BST1: variants seen among roughly 807,000 people sequenced by gnomAD.
BST1 encodes the protein ADP-ribosyl cyclase/cyclic ADP-ribose hydrolase 2.
A neutral mutation model predicts 40.6 loss-of-function variants in BST1; 49 were observed. The ratio of observed to expected loss-of-function variants is 1.21; its 90% CI spans 0.96 to 1.53. The LOEUF is 1.53. Ranked by LOEUF, BST1 falls within the 40% of genes most tolerant of loss-of-function variation. BST1 has a pLI of 0.00. For synonymous variants in BST1, 157 were observed against 159.3 expected (o/e 0.99, Z 0.11); for missense variants, 423 against 395.9 (o/e 1.07, Z -0.58).
At chr4:15,752,401 TTTTTGAGACAGAG>T in the BST1 span, among the ~76,000 whole-genome samples, 3 of 151,972 alleles carry the variant, frequency 2.0e-5, no homozygotes, top group African/African-American at 7.3e-5. Context: ...TCTTTTTTTT[TTTTTGAGACAGAG>T]TTTCGCTCTT....
downstream of BST1, chr4:15,736,183 T>C (rs1214095180): frequency 8.1e-7 from 1 of 1,238,848 alleles, no homozygotes; most frequent in South Asian, 1.3e-5. Flanking sequence ...TCTCTCTGCT[T>C]CTGCTTGGTT....
chr4:15,765,126 G>T, the BST1 span, among the ~76,000 whole-genome samples: 3 of 152,010 alleles, frequency 2.0e-5, no homozygotes, highest in East Asian at 3.9e-4. Flanking sequence ...CACGGTGTTT[G>T]TCTCAACATT....
intron 1 of BST1, among the ~76,000 whole-genome samples, 167 bp downstream of exon 1, chr4:15,703,499 T>G (rs1376724597): frequency 7.6e-6 from 1 of 132,354 alleles, no homozygotes. Flanking sequence ...TGGGGGCGAG[T>G]GAGGAGGGGG....
chr4:15,709,423 C>T (rs1267842251), intron 3 of BST1, among the ~76,000 whole-genome samples: 1 of 152,228 alleles, frequency 6.6e-6, no homozygotes, highest in Non-Finnish European at 1.5e-5. Flanking sequence ...TGTGAGGCCT[C>T]TGCTTTTCAC....
chr4:15,725,947 C>CTTTTTTTTTT (rs1206237130), intron 8 of BST1, among the ~76,000 whole-genome samples: 6 of 60,114 alleles, frequency 1.0e-4, no homozygotes, highest in Non-Finnish European at 1.7e-4. Context: ...GAAGTGCGGT[C>CTTTTTTTTTT]TTTTTTTTTT....
the BST1 span, among the ~76,000 whole-genome samples, chr4:15,753,627 A>G: frequency 6.6e-6 from 1 of 152,228 alleles, no homozygotes; most frequent in Non-Finnish European, 1.5e-5. Flanking sequence ...TGGCCCAGCC[A>G]TGGCACAGCT....
intron 6 of BST1, among the ~76,000 whole-genome samples, chr4:15,718,259 G>GTA (rs1012814990): frequency 1.3e-5 from 2 of 151,726 alleles, no homozygotes; most frequent in Non-Finnish European, 2.9e-5. Flanking sequence ...GTGTGTGTGT[G>GTA]TGTGTGTGTG....
chr4:15,757,943 G>A, the BST1 span, among the ~76,000 whole-genome samples: 1 of 151,686 alleles, frequency 6.6e-6, no homozygotes, highest in Non-Finnish European at 1.5e-5. Flanking sequence ...CGCCCGGTGG[G>A]ATTTTCTTAA....
chr4:15,703,715 G>GT (rs1719691510), intron 1 of BST1, among the ~76,000 whole-genome samples: 2 of 130,686 alleles, frequency 1.5e-5, no homozygotes, highest in African/African-American at 5.9e-5. Context: ...TCTAGAGGTG[G>GT]GGGTGTGTGT....
intron 7 of BST1, among the ~76,000 whole-genome samples, chr4:15,722,051 C>T (rs773511687): frequency 2.0e-5 from 3 of 152,186 alleles, no homozygotes; most frequent in East Asian, 1.9e-4. Context: ...TGGAACTTCA[C>T]ATCTTCTCCC....
chr4:15,716,895 C>G (rs994579286), intron 6 of BST1, among the ~76,000 whole-genome samples: 1 of 152,130 alleles, frequency 6.6e-6, no homozygotes, highest in Non-Finnish European at 1.5e-5. Context: ...CTTGACTCAA[C>G]CTCCCGAGTA....
chr4:15,771,181 G>A, the BST1 span, among the ~76,000 whole-genome samples: 1 of 152,230 alleles, frequency 6.6e-6, no homozygotes, highest in African/African-American at 2.4e-5. Flanking sequence ...ACCATATGTT[G>A]AGTGTCTAGC....
At chr4:15,737,911 G>T (rs1362263335) in exon 7 of BST1, 4 of 855,904 alleles carry the variant, frequency 4.7e-6, no homozygotes, top group South Asian at 2.8e-5. Flanking sequence ...TGAGTCAATT[G>T]CATGCCTGCC....
chr4:15,756,795 T>G, the BST1 span, among the ~76,000 whole-genome samples: 1 of 152,176 alleles, frequency 6.6e-6, no homozygotes, highest in Non-Finnish European at 1.5e-5. Flanking sequence ...CAGCCATATC[T>G]CTTTCCAAGA....
rs1034564664 is a variant in BST1 at position 15,715,920 on chromosome 4, G to A, written c.704+121G>A. On this transcript the variant is annotated intron_variant, in intron 6 of 8. Coordinates refer to ENST00000265016, the MANE Select transcript of BST1 (RefSeq NM_004334.3). ...AATGACAGCCTTCTTTGCTTCTAAT[G>A]GGGTTGGTAGAGAAAGACAAAAGCT... 10 of 690,648 alleles carry A rather than the reference G, an allele frequency of 1.4e-5. No homozygotes were observed. In the Admixed American group the frequency reaches 3.9e-4, roughly 27 times the overall value. 42.8% of individuals were successfully genotyped at this position (690,648 alleles called of 1,614,324 possible). A position where few individuals can be genotyped will look rare whatever the true frequency, so the allele number is the denominator to read the frequency against.
At chr4:15,728,403 C>T (rs1236100729) in intron 8 of BST1, among the ~76,000 whole-genome samples, 4 of 150,904 alleles carry the variant, frequency 2.7e-5, no homozygotes, top group Non-Finnish European at 5.9e-5. Context: ...TGGATTAAAC[C>T]TGTGATGCCA....
chr4:15,733,576 G>T (rs1302101073), downstream of BST1, among the ~76,000 whole-genome samples: 1 of 152,222 alleles, frequency 6.6e-6, no homozygotes, highest in African/African-American at 2.4e-5. Flanking sequence ...CTGTTCCACA[G>T]GCTTACAGGA....
At chr4:15,770,598 G>T in the BST1 span, among the ~76,000 whole-genome samples, 1 of 152,140 alleles carries the variant, frequency 6.6e-6, no homozygotes, top group South Asian at 2.1e-4. Flanking sequence ...TACTCGGGAG[G>T]CTGAGGCAGG....
Position 15,711,842 on chromosome 4 carries a change from T to G in BST1, c.487T>G (p.Cys163Gly). 6.2e-7 allele frequency: 1 copy of G among 1,614,136 alleles called. No individual in the cohort carries two copies. The highest frequency in any genetic ancestry group is 8.5e-7 in the Non-Finnish European group (1 of 1,179,966). The change falls in exon 4 of 9, where the codon TGT becomes GGT. Residue 163 changes from cysteine (C) to glycine (G), a missense_variant. Transcript: ENST00000265016. Reference protein sequence around the residue: ...DYQSCPTSEDCENNPVDSFWK... With the variant: ...DYQSCPTSEDGENNPVDSFWK... ...CCAATCCTGCCCTACATCAGAAGAC[T>G]GTGAAAATAATCCTGTGGATTCCTT...
Sources: allele counts gnomAD v4.1 joint callset (sites outside exome capture counted in the v4.1 genomes callset), GRCh38; gene constraint gnomAD v4.1.1; transcripts MANE v1.5; gene names NCBI Gene and HGNC (gene_info 2026-07-23, HGNC 2026-07-21).